The following PVT1 variants were observed in gnomAD, a reference collection of about 807,000 sequenced individuals.
PVT1 encodes the protein Pvt1 oncogene.
chr8:127,827,488 G>A (rs577731711), intron 2 of PVT1, among the ~76,000 whole-genome samples: 29 of 152,272 alleles, frequency 1.9e-4, no homozygotes, highest in African/African-American at 6.5e-4. Context: ...GCAGCCCTGA[G>A]GCTGGAGTTT....
intron 3 of PVT1, among the ~76,000 whole-genome samples, chr8:127,974,115 G>T (rs1435205568): frequency 1.3e-5 from 2 of 152,166 alleles, no homozygotes; most frequent in Admixed American, 6.5e-5. Context: ...TGAACACTGG[G>T]CTGTGTGAGG....
intron 2 of PVT1, among the ~76,000 whole-genome samples, chr8:127,877,307 G>A (rs886907115): frequency 5.9e-5 from 9 of 152,214 alleles, no homozygotes; most frequent in Non-Finnish European, 1.0e-4. Flanking sequence ...TTTTCACGCT[G>A]CTGTTTCTGT....
intron 2 of PVT1, among the ~76,000 whole-genome samples, chr8:127,825,117 TAAAAAAAAAAA>T (rs58377389): frequency 3.3e-4 from 27 of 81,044 alleles, no homozygotes; most frequent in African/African-American, 1.2e-3. Context: ...AAACACTAGC[TAAAAAAAAAAA>T]AAAAAAAAAA....
At chr8:127,873,151 C>T (rs1228611279) in intron 2 of PVT1, among the ~76,000 whole-genome samples, 1 of 152,172 alleles carries the variant, frequency 6.6e-6, no homozygotes, top group Admixed American at 6.5e-5. Flanking sequence ...AAGGGCCTGC[C>T]TCTGGCCTCT....
At chr8:127,812,995 C>T (rs1287621507) in intron 2 of PVT1, among the ~76,000 whole-genome samples, 1 of 151,682 alleles carries the variant, frequency 6.6e-6, no homozygotes, top group African/African-American at 2.4e-5. Context: ...GATAATATAG[C>T]ATTAATATAG....
intron 6 of PVT1, chr8:128,099,297 G>A (rs1020318354): frequency 2.6e-5 from 4 of 152,264 alleles, no homozygotes; most frequent in East Asian, 1.9e-4. Context: ...TGGAGGCCAA[G>A]AGACCTCTAG....
At chr8:127,943,438 A>G (rs559256542) in intron 3 of PVT1, among the ~76,000 whole-genome samples, 35 of 152,352 alleles carry the variant, frequency 2.3e-4, no homozygotes, top group African/African-American at 8.4e-4. Flanking sequence ...AAGACCATGA[A>G]GAAATTGCAA....
At position 127,886,593 on chromosome 8, in the gene PVT1, G is replaced by A. The variant is rs148686924; in HGVS notation, n.373-3996G>A. Among the ~76,000 whole-genome samples the A allele has an allele frequency of 7.3e-4, 110 of 151,604 alleles. 1 individual carries two copies. In the Middle Eastern group the frequency reaches 0.014, roughly 19 times the overall value. On this transcript the variant is annotated intron_variant and non_coding_transcript_variant, in intron 2 of 10. Coordinates refer to ENST00000651587, the Ensembl canonical transcript of PVT1. Reference sequence around the variant, plus strand: ...ACTCTTGGTTCCTCTTCAGTCTGCCGTTAAATGGATCCAATTGATTGTTTC... The same window carrying A: ...ACTCTTGGTTCCTCTTCAGTCTGCCATTAAATGGATCCAATTGATTGTTTC...
intron 2 of PVT1, among the ~76,000 whole-genome samples, chr8:127,815,508 C>A (rs1169706991): frequency 1.3e-5 from 2 of 152,190 alleles, no homozygotes; most frequent in Non-Finnish European, 2.9e-5. Flanking sequence ...TGTGCTGGGG[C>A]TGACTTCTGC....
intron 3 of PVT1, among the ~76,000 whole-genome samples, chr8:127,950,185 G>T (rs1373824649): frequency 6.6e-6 from 1 of 152,238 alleles, no homozygotes; most frequent in East Asian, 1.9e-4. Context: ...GATGATGCAG[G>T]CTTGACAGTG....
intron 3 of PVT1, among the ~76,000 whole-genome samples, chr8:127,900,521 TTG>T (rs777062912): frequency 2.6e-5 from 4 of 152,184 alleles, no homozygotes; most frequent in Admixed American, 1.3e-4. Context: ...TAGCACCATT[TTG>T]TGTGTTTTTA....
At chr8:127,797,740 G>A (rs1352593347) in intron 2 of PVT1, among the ~76,000 whole-genome samples, 2 of 152,172 alleles carry the variant, frequency 1.3e-5, no homozygotes, top group Admixed American at 6.6e-5. Context: ...ACTCCATGAG[G>A]CATTTATAAT....
chr8:127,880,529 C>G (rs1039036465), intron 2 of PVT1, among the ~76,000 whole-genome samples: 2 of 151,164 alleles, frequency 1.3e-5, no homozygotes. Context: ...ATCTCCTGAC[C>G]TCATGATCCG....
At chr8:127,949,788 C>T (rs1185948282) in intron 3 of PVT1, among the ~76,000 whole-genome samples, 1 of 152,232 alleles carries the variant, frequency 6.6e-6, no homozygotes, top group East Asian at 1.9e-4. Flanking sequence ...TCAGGCCCCA[C>T]CCAGGGACAG....
At chr8:127,865,884 C>T (rs562832510) in intron 2 of PVT1, among the ~76,000 whole-genome samples, 2 of 152,248 alleles carry the variant, frequency 1.3e-5, no homozygotes, top group South Asian at 2.1e-4. Flanking sequence ...AGTGTGGCAC[C>T]GGCAGGCAAA....
intron 3 of PVT1, among the ~76,000 whole-genome samples, chr8:127,901,949 A>G (rs1320186834): frequency 6.6e-6 from 1 of 151,876 alleles, no homozygotes; most frequent in African/African-American, 2.4e-5. Context: ...AGAAATAGAA[A>G]ATTTGGATTT....
chr8:128,032,448 T>A (rs1813402854), intron 4 of PVT1, among the ~76,000 whole-genome samples: 1 of 152,240 alleles, frequency 6.6e-6, no homozygotes, highest in African/African-American at 2.4e-5. Context: ...TATGAGATGG[T>A]GGATCACAGC....
At chr8:127,881,187 G>T (rs547334920) in intron 2 of PVT1, among the ~76,000 whole-genome samples, 1 of 152,168 alleles carries the variant, frequency 6.6e-6, no homozygotes, top group Non-Finnish European at 1.5e-5. Context: ...ACTGGACTGG[G>T]TTCGGTTTGC....
intron 2 of PVT1, among the ~76,000 whole-genome samples, chr8:127,807,743 A>G (rs780262288): frequency 4.6e-5 from 7 of 152,286 alleles, no homozygotes; most frequent in African/African-American, 1.2e-4. Flanking sequence ...ATGGTTGTCA[A>G]TTCTAGGTTC....
Sources: gnomAD v4.1 joint callset for allele counts (sites outside exome capture counted in the v4.1 genomes callset) on GRCh38, gnomAD v4.1.1 for gene constraint, MANE v1.5 for transcripts, NCBI Gene and HGNC (gene_info 2026-07-23, HGNC 2026-07-21) for gene names.